The following TNFRSF10A variants were observed in gnomAD, a reference collection of about 807,000 sequenced individuals.
TNFRSF10A encodes tumor necrosis factor receptor superfamily member 10A.
A neutral mutation model predicts 42.8 loss-of-function variants in TNFRSF10A; 44 were observed. That is an observed-to-expected ratio of 1.03 (90% CI 0.81 to 1.32). TNFRSF10A has a LOEUF of 1.32. Ranked by LOEUF, TNFRSF10A falls within the 40% of genes most tolerant of loss-of-function variation. TNFRSF10A has a pLI of 0.00. For missense variants in TNFRSF10A, 680 were observed against 602.0 expected (o/e 1.13, Z -1.36); for synonymous variants, 259 against 234.2 (o/e 1.11, Z -0.97).
chr8:23,205,762 G>T (rs1261412656), intron 2 of TNFRSF10A, among the ~76,000 whole-genome samples: 5 of 148,646 alleles, frequency 3.4e-5, no homozygotes, highest in Admixed American at 2.7e-4. Flanking sequence ...CCAGGCTGGA[G>T]TGCAGTGGCG....
At position 23,191,498 on chromosome 8, in the gene TNFRSF10A, C is replaced by T. The variant is rs1800752819; in HGVS notation, c.*196G>A. ...ATTTTTTTGTAAAGACGGCATTTCA[C>T]GATGTTGGTCAGGCTGGTCTTGAAC... On this transcript the variant is annotated 3_prime_UTR_variant, in exon 10 of 10. Coordinates refer to ENST00000221132, the MANE Select transcript of TNFRSF10A (RefSeq NM_003844.4). The T allele has an allele frequency of 5.8e-6, 4 of 688,788 alleles. No individual in the cohort carries two copies. In the South Asian group the frequency reaches 6.7e-5, roughly 12 times the overall value. 42.7% of individuals were successfully genotyped at this position (688,788 alleles called of 1,614,324 possible).
intron 2 of TNFRSF10A, 95 bp from the exon 3 acceptor site, chr8:23,202,856 G>T: frequency 1.3e-6 from 1 of 790,580 alleles, no homozygotes; most frequent in South Asian, 1.5e-5. Flanking sequence ...GCCATCAGTA[G>T]ACCCCAGACA....
intron 1 of TNFRSF10A, among the ~76,000 whole-genome samples, chr8:23,219,438 G>A (rs1454191121): frequency 6.8e-6 from 1 of 146,670 alleles, no homozygotes; most frequent in Non-Finnish European, 1.5e-5. Flanking sequence ...GGGCAGAGAT[G>A]TGGAGAAGCA....
chr8:23,215,942 C>T (rs527337725), intron 1 of TNFRSF10A, among the ~76,000 whole-genome samples: 28 of 152,122 alleles, frequency 1.8e-4, no homozygotes, highest in African/African-American at 5.8e-4. Context: ...CCTCAGCCTC[C>T]GGAGTAGCTG....
rs189251811 is a variant in TNFRSF10A, at chr8:23,200,782, G to A, written c.630-22C>T. 9 of 1,535,774 alleles carry A rather than the reference G, an allele frequency of 5.9e-6. No individual in the cohort carries two copies. The East Asian group carries it at 9.1e-5, about 16-fold the overall frequency. ...GCACCTGGGTACACACAGGGAGGGA[G>A]GGGGGGGACTCTTGATGGAAAGCTG... On this transcript the variant is annotated intron_variant, in intron 4 of 9. Transcript: ENST00000221132.
chr8:23,195,606 A>G (rs1287899543), intron 9 of TNFRSF10A, among the ~76,000 whole-genome samples: 1 of 152,204 alleles, frequency 6.6e-6, no homozygotes, highest in Non-Finnish European at 1.5e-5. Context: ...AGCAAAGCCA[A>G]CTTAGGAGAG....
intron 4 of TNFRSF10A, among the ~76,000 whole-genome samples, chr8:23,201,062 T>C (rs924485502): frequency 6.6e-6 from 1 of 152,138 alleles, no homozygotes. Flanking sequence ...TTAGGAGGAA[T>C]CACACTCCAG....
At chr8:23,215,252 C>G (rs1478350892) in intron 1 of TNFRSF10A, among the ~76,000 whole-genome samples, 3 of 152,168 alleles carry the variant, frequency 2.0e-5, no homozygotes, top group African/African-American at 7.2e-5. Context: ...CGCCGTGGCT[C>G]ACGCCTGTAA....
chr8:23,197,102 C>T, intron 9 of TNFRSF10A, 30 bp downstream of exon 9: 1 of 1,614,026 alleles, frequency 6.2e-7, no homozygotes, highest in Non-Finnish European at 8.5e-7. Flanking sequence ...CCCACCATTT[C>T]TGCTGCATCT....
chr8:23,220,313 GT>G (rs1462317881), intron 1 of TNFRSF10A, among the ~76,000 whole-genome samples: 1 of 152,238 alleles, frequency 6.6e-6, no homozygotes, highest in Non-Finnish European at 1.5e-5. Context: ...AAGATGTGCA[GT>G]CTCTGGCTGG....
At chr8:23,192,433 A>C (rs2128845994) in intron 9 of TNFRSF10A, among the ~76,000 whole-genome samples, 1 of 152,288 alleles carries the variant, frequency 6.6e-6, no homozygotes, top group East Asian at 1.9e-4. Context: ...CATCTGTGGA[A>C]AGTGCAGGGT....
intron 2 of TNFRSF10A, among the ~76,000 whole-genome samples, chr8:23,206,207 A>G (rs1312336566): frequency 6.6e-6 from 1 of 152,196 alleles, no homozygotes; most frequent in African/African-American, 2.4e-5. Context: ...AAAGTTTATA[A>G]AGTAAAATAG....
chr8:23,215,818 C>CTT (rs752874036), intron 1 of TNFRSF10A, among the ~76,000 whole-genome samples: 8 of 142,716 alleles, frequency 5.6e-5, no homozygotes, highest in Admixed American at 4.9e-4. Context: ...TGGTTTATTA[C>CTT]TTTTTTTTTT....
At chr8:23,218,367 T>C (rs1801213701) in intron 1 of TNFRSF10A, among the ~76,000 whole-genome samples, 1 of 152,062 alleles carries the variant, frequency 6.6e-6, no homozygotes, top group African/African-American at 2.4e-5. Flanking sequence ...ACTGATTTCC[T>C]CTCTCAGGCA....
chr8:23,192,043 G>A, intron 9 of TNFRSF10A, 30 bp from the exon 10 acceptor site: 1 of 1,590,380 alleles, frequency 6.3e-7, no homozygotes, highest in South Asian at 1.1e-5. Context: ...GAGACAGCCA[G>A]ATGAGTTGGG....
In TNFRSF10A at chr8:23,199,307, C is replaced by A; in HGVS notation, c.973G>T (p.Gly325Cys). ...TCCCCTGGGGACTGTACAGTGACAC[C>A]TGTCAAATCTGCCGGCTCCTGGCTT... is the stretch of plus-strand genomic sequence containing the variant. ...MESQEPADLT[G>C]VTVQSPGEAQ... The change falls in exon 8 of 10, where the codon GGT becomes TGT. Residue 325 changes from glycine to cysteine, a missense_variant. Physicochemically the swap from Gly to Cys is radical, Grantham distance 159. Transcript: ENST00000221132. 6.2e-7 allele frequency: 1 copy of A among 1,614,208 alleles called. No individual in the cohort carries two copies. Among genetic ancestry groups the A allele is most frequent in the Non-Finnish European group, 8.5e-7 (1 of 1,180,028 alleles).
chr8:23,214,946 C>A (rs1801155658), intron 1 of TNFRSF10A, among the ~76,000 whole-genome samples: 1 of 152,150 alleles, frequency 6.6e-6, no homozygotes, highest in Non-Finnish European at 1.5e-5. Flanking sequence ...GATTTCTGTG[C>A]AATAAATTAC....
At chr8:23,205,199 A>T (rs1336880538) in intron 2 of TNFRSF10A, among the ~76,000 whole-genome samples, 2 of 152,208 alleles carry the variant, frequency 1.3e-5, no homozygotes, top group Non-Finnish European at 2.9e-5. Context: ...GCACAGGGAA[A>T]AAATAAGACT....
intron 9 of TNFRSF10A, among the ~76,000 whole-genome samples, chr8:23,193,256 C>T (rs926435803): frequency 1.9e-4 from 29 of 152,142 alleles, no homozygotes; most frequent in African/African-American, 7.0e-4. Context: ...GCTCTGCTGC[C>T]ATGGGCCAGG....
Sources: allele counts gnomAD v4.1 joint callset (sites outside exome capture counted in the v4.1 genomes callset), GRCh38; gene constraint gnomAD v4.1.1; transcripts MANE v1.5; gene names NCBI Gene and HGNC (gene_info 2026-07-23, HGNC 2026-07-21).